CLOCK: variants seen among roughly 807,000 people sequenced by gnomAD.
CLOCK encodes clock circadian regulator.
In CLOCK, 43 loss-of-function variants were observed where a neutral mutation model predicts 118.4. The ratio of observed to expected loss-of-function variants is 0.36; its 90% CI spans 0.28 to 0.47. CLOCK has a LOEUF of 0.47. CLOCK is among the 20% of genes least tolerant of loss of function. CLOCK has a pLI of 1.00. For missense variants in CLOCK, 846 were observed against 999.9 expected, an observed-to-expected ratio of 0.85 and a Z score of 2.08; for synonymous variants, 326 against 339.2, an observed-to-expected ratio of 0.96 and a Z score of 0.43.
At chr4:55,462,027 C>T (rs910666734) in intron 9 of CLOCK, among the ~76,000 whole-genome samples, 3 of 152,094 alleles carry the variant, frequency 2.0e-5, no homozygotes, top group African/African-American at 7.2e-5. Flanking sequence ...TGTGTTTATT[C>T]TTTTGGCATG....
At chr4:55,498,795 T>C (rs997626958) in intron 2 of CLOCK, among the ~76,000 whole-genome samples, 1 of 151,972 alleles carries the variant, frequency 6.6e-6, no homozygotes, top group Non-Finnish European at 1.5e-5. Flanking sequence ...GACGTGTAGG[T>C]AGTACAAGAA....
intron 3 of CLOCK, among the ~76,000 whole-genome samples, chr4:55,489,103 A>G (rs1013463183): frequency 3.9e-5 from 6 of 152,154 alleles, no homozygotes; most frequent in Admixed American, 3.9e-4. Flanking sequence ...CTTGTGTATT[A>G]TTTGTGTTTC....
At chr4:55,481,906 G>C (rs1726958926) in intron 4 of CLOCK, among the ~76,000 whole-genome samples, 1 of 152,050 alleles carries the variant, frequency 6.6e-6, no homozygotes, top group African/African-American at 2.4e-5. Flanking sequence ...ATGTAAAAAA[G>C]TATTCTGTAC....
At chr4:55,446,664 A>G (rs1723876159) in intron 18 of CLOCK, among the ~76,000 whole-genome samples, 2 of 152,226 alleles carry the variant, frequency 1.3e-5, no homozygotes, top group Non-Finnish European at 2.9e-5. Flanking sequence ...TACTTGAGTC[A>G]TGAGCAGCTC....
At chr4:55,514,661 G>A (rs1383376891) in intron 1 of CLOCK, among the ~76,000 whole-genome samples, 1 of 151,896 alleles carries the variant, frequency 6.6e-6, no homozygotes, top group African/African-American at 2.4e-5. Context: ...CTATTGATAT[G>A]ATCATATGAT....
At chr4:55,487,876 T>A (rs79331055) in intron 3 of CLOCK, among the ~76,000 whole-genome samples, 5,129 of 152,308 alleles carry the variant, frequency 0.034, 104 homozygotes, top group Non-Finnish European at 0.054. Context: ...CCAAATTTTG[T>A]TGCTACTGTT....
intron 1 of CLOCK, among the ~76,000 whole-genome samples, chr4:55,527,882 T>C (rs966415355): frequency 1.3e-5 from 2 of 151,846 alleles, no homozygotes; most frequent in Non-Finnish European, 2.9e-5. Flanking sequence ...ATCTCTACCA[T>C]AAAATTTAAA....
At chr4:55,480,431 G>T (rs1726839479) in intron 4 of CLOCK, among the ~76,000 whole-genome samples, 1 of 152,040 alleles carries the variant, frequency 6.6e-6, no homozygotes, top group Non-Finnish European at 1.5e-5. Context: ...TGACTGGCTA[G>T]TTTTTTTATA....
chr4:55,436,423 C>T (rs11932712), intron 22 of CLOCK, among the ~76,000 whole-genome samples: 46,095 of 152,022 alleles, frequency 0.3, 7,617 homozygotes, highest in East Asian at 0.58. Flanking sequence ...CAAATTTGTA[C>T]TTCTGACATG....
At chr4:55,486,059 A>T (rs1235269196) in intron 3 of CLOCK, among the ~76,000 whole-genome samples, 1 of 152,176 alleles carries the variant, frequency 6.6e-6, no homozygotes, top group Non-Finnish European at 1.5e-5. Flanking sequence ...ATTCATACAC[A>T]TGCACATTTC....
chr4:55,536,545 G>A (rs1032329139), intron 1 of CLOCK, among the ~76,000 whole-genome samples: 2 of 152,130 alleles, frequency 1.3e-5, no homozygotes, highest in African/African-American at 4.8e-5. Context: ...CTCTTGCCTT[G>A]TCATGCACCT....
At chr4:55,463,962 T>A (rs1266286160) in intron 8 of CLOCK, among the ~76,000 whole-genome samples, 157 bp from the exon 9 acceptor site, 2 of 152,208 alleles carry the variant, frequency 1.3e-5, no homozygotes, top group African/African-American at 4.8e-5. Context: ...AAAATAAGAT[T>A]GAGATCATAC....
At chr4:55,524,953 G>A (rs1428788799) in intron 1 of CLOCK, among the ~76,000 whole-genome samples, 1 of 151,912 alleles carries the variant, frequency 6.6e-6, no homozygotes, top group Admixed American at 6.6e-5. Context: ...AAATACAATA[G>A]TGACAATTTA....
At chr4:55,540,348 G>A (rs73155674) in intron 1 of CLOCK, among the ~76,000 whole-genome samples, 2,366 of 147,134 alleles carry the variant, frequency 0.016, 64 homozygotes, top group African/African-American at 0.057. Context: ...CCCACATTAG[G>A]GATGTGCTAT....
At chr4:55,483,776 G>A (rs1310691295) in intron 3 of CLOCK, among the ~76,000 whole-genome samples, 3 of 152,114 alleles carry the variant, frequency 2.0e-5, no homozygotes, top group South Asian at 4.1e-4. Flanking sequence ...GAATACAAGT[G>A]GTAAACTGGC....
At chr4:55,533,649 T>C (rs751940479) in intron 1 of CLOCK, among the ~76,000 whole-genome samples, 1 of 152,168 alleles carries the variant, frequency 6.6e-6, no homozygotes, top group East Asian at 1.9e-4. Flanking sequence ...GTGCCTGTAA[T>C]CTCAGCACTT....
chr4:55,501,211 T>C (rs1014281872), intron 2 of CLOCK, among the ~76,000 whole-genome samples: 7 of 152,214 alleles, frequency 4.6e-5, no homozygotes, highest in Non-Finnish European at 8.8e-5. Flanking sequence ...TCTTAACTAT[T>C]TGGTAGTCCT....
chr4:55,513,323 AG>A (rs1270364248), intron 1 of CLOCK, among the ~76,000 whole-genome samples: 8 of 152,184 alleles, frequency 5.3e-5, no homozygotes, highest in Non-Finnish European at 1.2e-4. Flanking sequence ...CATACAGCCT[AG>A]GTGCAGAGCA....
chr4:55,449,965 A>T, intron 16 of CLOCK, 126 bp downstream of exon 16: 1 of 1,152,114 alleles, frequency 8.7e-7, no homozygotes, highest in Non-Finnish European at 1.3e-6. Flanking sequence ...TGGAAAGGTT[A>T]CTACATTTCA....
Sources: gnomAD v4.1 joint callset for allele counts (sites outside exome capture counted in the v4.1 genomes callset) on GRCh38, gnomAD v4.1.1 for gene constraint, MANE v1.5 for transcripts, NCBI Gene and HGNC (gene_info 2026-07-23, HGNC 2026-07-21) for gene names.